The following IL5RA variants were observed in gnomAD, a reference collection of about 807,000 sequenced individuals.
The protein encoded by IL5RA is interleukin-5 receptor subunit alpha.
In IL5RA, 49 loss-of-function variants were observed where a neutral mutation model predicts 50.0. The ratio of observed to expected loss-of-function variants is 0.98; its 90% CI spans 0.78 to 1.24. IL5RA has a LOEUF of 1.24. Ranked by LOEUF, IL5RA falls within the 50% of genes most tolerant of loss-of-function variation. The probability of loss-of-function intolerance (pLI) is 0.00; values close to 1 mark genes in which losing one functional copy is unlikely to be tolerated. For missense variants in IL5RA, 600 were observed against 500.4 expected (o/e 1.20, Z -1.90); for synonymous variants, 202 against 174.0 (o/e 1.16, Z -1.26).
At chr3:3,082,828 A>C (rs531940052) in intron 9 of IL5RA, among the ~76,000 whole-genome samples, 1 of 152,216 alleles carries the variant, frequency 6.6e-6, no homozygotes, top group South Asian at 2.1e-4. Flanking sequence ...AGCTCTTAGG[A>C]GATGAATTTG....
intron 5 of IL5RA, 78 bp from the exon 6 acceptor site, chr3:3,098,368 G>A (rs1703464072): frequency 1.5e-6 from 2 of 1,290,886 alleles, no homozygotes; most frequent in Admixed American, 1.9e-5. Context: ...GAACTATAGT[G>A]ATGTGAACGT....
chr3:3,107,120 C>A (rs886104555), intron 2 of IL5RA, among the ~76,000 whole-genome samples: 3 of 151,818 alleles, frequency 2.0e-5, no homozygotes, highest in African/African-American at 7.3e-5. Flanking sequence ...TAGTTTTTGG[C>A]CATAAATAAA....
chr3:3,100,581 A>G (rs530590661), intron 5 of IL5RA, among the ~76,000 whole-genome samples: 1 of 152,366 alleles, frequency 6.6e-6, no homozygotes, highest in South Asian at 2.1e-4. Context: ...GAATCATTTA[A>G]GTGAATTCCA....
At position 3,110,032 on chromosome 3, in the gene IL5RA, C is replaced by A. The variant is rs1017081671; in HGVS notation, c.-233G>T. ...CTGGGTGCACTTTTTAACTTAGAGGCGGTTCTTCACTCTTTCATCATCACG... is the reference window on the plus strand; with the variant it reads ...CTGGGTGCACTTTTTAACTTAGAGGAGGTTCTTCACTCTTTCATCATCACG... On this transcript the variant is annotated 5_prime_UTR_variant, in exon 1 of 12. Coordinates refer to ENST00000446632, the MANE Select transcript of IL5RA (RefSeq NM_175726.4). 6.6e-6 allele frequency: 1 copy of A among 152,134 alleles called. No homozygotes were observed. The highest frequency in any genetic ancestry group is 6.5e-5 in the Admixed American group (1 of 15,268). 9.4% of individuals were successfully genotyped at this position (152,134 alleles called of 1,614,324 possible).
intron 3 of IL5RA, 111 bp from the exon 4 acceptor site, chr3:3,102,931 G>A (rs766559452): frequency 8.0e-5 from 63 of 788,152 alleles, no homozygotes; most frequent in Non-Finnish European, 1.1e-4. Context: ...GGACCTGCCA[G>A]CACCACAGAC....
chr3:3,076,497 C>T lies in IL5RA; in HGVS notation c.1091+34G>A, dbSNP rs371719318. ...CCTGTAAAAATGCAGTACTGAAACC[C>T]CACTGCAAGCACGCAAATGTAAAGA... is the stretch of plus-strand genomic sequence containing the variant. On this transcript the variant is annotated intron_variant, in intron 10 of 11. Coordinates refer to ENST00000446632, the MANE Select transcript of IL5RA (RefSeq NM_175726.4). The T allele has an allele frequency of 3.0e-6, 4 of 1,325,782 alleles. No homozygotes were observed. In the South Asian group the frequency reaches 3.6e-5, roughly 12 times the overall value. 82.1% of individuals were successfully genotyped at this position (1,325,782 alleles called of 1,614,324 possible).
intron 9 of IL5RA, among the ~76,000 whole-genome samples, chr3:3,083,330 A>T (rs1389720646): frequency 6.6e-6 from 1 of 152,156 alleles, no homozygotes; most frequent in Non-Finnish European, 1.5e-5. Context: ...GTAGTGAAGG[A>T]CCCGGATCAC....
intron 9 of IL5RA, chr3:3,089,959 T>A (rs1703020995): frequency 2.4e-6 from 1 of 421,068 alleles, no homozygotes; most frequent in Non-Finnish European, 4.2e-6. Flanking sequence ...ACTTTAAAGC[T>A]TGCAGAATCC....
intron 9 of IL5RA, among the ~76,000 whole-genome samples, chr3:3,083,698 A>G (rs866326973): frequency 2.0e-5 from 3 of 152,220 alleles, no homozygotes; most frequent in Non-Finnish European, 4.4e-5. Flanking sequence ...AAAGCAGATG[A>G]AAGCTGGCTG....
chr3:3,106,478 C>T (rs1473918325), intron 2 of IL5RA, among the ~76,000 whole-genome samples: 2 of 152,002 alleles, frequency 1.3e-5, no homozygotes, highest in African/African-American at 2.4e-5. Flanking sequence ...AGCTTAAGTA[C>T]TGTTAATCAG....
chr3:3,101,179 A>C (rs796788487), intron 5 of IL5RA, among the ~76,000 whole-genome samples: 127 of 4,408 alleles, frequency 0.029, 1 homozygote, highest in African/African-American at 0.095. Context: ...ATTCTATCTC[A>C]AAAAAAAAAA....
chr3:3,101,859 C>G (rs1703669488), intron 4 of IL5RA, 29 bp from the exon 5 acceptor site: 2 of 1,599,784 alleles, frequency 1.3e-6, no homozygotes, highest in Admixed American at 3.4e-5. Flanking sequence ...AGTCATGATA[C>G]ATAAAAGAGA....
rs145437644 is a variant in IL5RA, at chr3:3,077,427, T to C, written c.995-800A>G. Among the ~76,000 whole-genome samples, 448 of 152,320 alleles carry C rather than the reference T, an allele frequency of 2.9e-3. 1 individual carries two copies. The highest frequency in any genetic ancestry group is 0.011 in the South Asian group (55 of 4,828). ...TTAACTCTTCTAGGAACTTCTATGA[T>C]AGCTTTGGGGTGTGTAATTTTTCTT... On this transcript the variant is annotated intron_variant, in intron 9 of 11. Transcript: ENST00000446632.
chr3:3,103,280 C>T (rs1215019571), intron 3 of IL5RA, among the ~76,000 whole-genome samples: 1 of 152,162 alleles, frequency 6.6e-6, no homozygotes. Context: ...GAAATATGAA[C>T]ATGTTACTAT....
Position 3,101,792 on chromosome 3 carries a change from G to A in IL5RA, c.267C>T (p.Ile89=). The A allele has an allele frequency of 6.2e-7, 1 of 1,614,004 alleles. No homozygotes were observed. Among genetic ancestry groups the A allele is most frequent in the Non-Finnish European group, 8.5e-7 (1 of 1,179,956 alleles). The change falls in exon 5 of 12, where the codon ATC becomes ATT. Residue 89 remains isoleucine (I), a synonymous_variant. Coordinates refer to ENST00000446632, the MANE Select transcript of IL5RA (RefSeq NM_175726.4). ...TRITESKCVT[I]LHKGFSASVR... is the part of the protein sequence containing the mutation. The stretch of plus-strand genomic sequence containing the variant: ...CACTTGCTGAAAAGCCTTTGTGGAG[G>A]ATGGTTACACATTTGCTTTCAGTGA...
chr3:3,109,192 A>T (rs1052392931), intron 1 of IL5RA, among the ~76,000 whole-genome samples: 1 of 151,978 alleles, frequency 6.6e-6, no homozygotes, highest in Non-Finnish European at 1.5e-5. Context: ...ACATGGAAAT[A>T]TGCTTACCTT....
intron 8 of IL5RA, among the ~76,000 whole-genome samples, chr3:3,093,854 G>C (rs1291849169): frequency 6.6e-6 from 1 of 152,182 alleles, no homozygotes; most frequent in Non-Finnish European, 1.5e-5. Context: ...AATTGAATTG[G>C]CTTTGTCTAC....
chr3:3,090,161 A>G lies in IL5RA; in HGVS notation c.994+2063T>C, dbSNP rs768314466. On this transcript the variant is annotated intron_variant, in intron 9 of 11. Transcript: ENST00000446632. Reference sequence around the variant, plus strand: ...TGCTTGGCAAAATAAATAAAAATTAAAAAACACATGTAATCTGCTATCCCT... The same window carrying G: ...TGCTTGGCAAAATAAATAAAAATTAGAAAACACATGTAATCTGCTATCCCT... The G allele has an allele frequency of 7.6e-6, 12 of 1,582,596 alleles. No homozygotes were observed. In the Admixed American group the frequency reaches 1.4e-4, roughly 18 times the overall value.
chr3:3,084,019 T>G (rs1702760657), intron 9 of IL5RA, among the ~76,000 whole-genome samples: 1 of 137,394 alleles, frequency 7.3e-6, no homozygotes. Context: ...GTGACTGCCC[T>G]CCAGCCTGGG....
Sources: gnomAD v4.1 joint callset for allele counts (sites outside exome capture counted in the v4.1 genomes callset) on GRCh38, gnomAD v4.1.1 for gene constraint, MANE v1.5 for transcripts, NCBI Gene and HGNC (gene_info 2026-07-23, HGNC 2026-07-21) for gene names.